Variants in AFF3 observed in about 807,000 individuals in gnomAD.
AFF3 encodes AF4/FMR2 family member 3.
Under a neutral mutation model 129.7 loss-of-function variants are expected in AFF3, and 32 were observed. The observed-to-expected ratio is 0.25, with a 90% confidence interval of 0.19 to 0.33. AFF3 has a LOEUF of 0.33. Ranked by LOEUF, AFF3 falls within the 10% of genes least tolerant of loss-of-function variation. AFF3 has a pLI of 1.00. For missense variants in AFF3, 1,373 were observed against 1,592.0 expected, an observed-to-expected ratio of 0.86 and a Z score of 2.34; for synonymous variants, 644 against 635.4, an observed-to-expected ratio of 1.01 and a Z score of -0.20.
chr2:99,844,434 C>CTTTTTTTTT (rs984233053), intron 7 of AFF3, among the ~76,000 whole-genome samples: 31 of 92,468 alleles, frequency 3.4e-4, no homozygotes, highest in East Asian at 7.0e-4. Flanking sequence ...TTTTTCTTTT[C>CTTTTTTTTT]TTTTTTTTTT....
At chr2:99,604,520 G>A (rs10170260) in intron 13 of AFF3, among the ~76,000 whole-genome samples, 4 of 151,820 alleles carry the variant, frequency 2.6e-5, no homozygotes, top group African/African-American at 9.7e-5. Flanking sequence ...ATAACTAATG[G>A]GTACAGGCTT....
intron 12 of AFF3, among the ~76,000 whole-genome samples, chr2:99,670,895 AAC>A (rs1558726910): frequency 6.6e-6 from 1 of 152,254 alleles, no homozygotes; most frequent in East Asian, 1.9e-4. Flanking sequence ...GTACATTCAT[AAC>A]ACAATATTAT....
chr2:100,027,007 A>T (rs959263775), intron 4 of AFF3, among the ~76,000 whole-genome samples: 3 of 152,066 alleles, frequency 2.0e-5, no homozygotes, highest in Admixed American at 6.6e-5. Flanking sequence ...TGAGTACACA[A>T]AATCTCACAA....
chr2:99,748,807 G>T (rs1404971232), intron 9 of AFF3, among the ~76,000 whole-genome samples: 1 of 152,164 alleles, frequency 6.6e-6, no homozygotes, highest in Non-Finnish European at 1.5e-5. Flanking sequence ...AGTCTCACAT[G>T]AGGAAGGCTA....
intron 18 of AFF3, among the ~76,000 whole-genome samples, chr2:99,572,308 CCTAG>C (rs1676571345): frequency 7.7e-6 from 1 of 130,052 alleles, no homozygotes; most frequent in African/African-American, 3.1e-5. Context: ...CCCCCCCCCA[CCTAG>C]AAACACACGG....
intron 4 of AFF3, among the ~76,000 whole-genome samples, chr2:100,036,185 C>T (rs1684894202): frequency 7.0e-6 from 1 of 142,870 alleles, no homozygotes; most frequent in South Asian, 2.3e-4. Flanking sequence ...TCTTTCCTGG[C>T]AACAGTCACC....
chr2:99,572,394 C>T (rs1229998220), intron 18 of AFF3, among the ~76,000 whole-genome samples: 1 of 144,338 alleles, frequency 6.9e-6, no homozygotes, highest in Non-Finnish European at 1.5e-5. Flanking sequence ...TTAAAGCAAC[C>T]TTGCTTTTTG....
intron 4 of AFF3, among the ~76,000 whole-genome samples, chr2:100,052,960 C>G (rs972746958): frequency 2.6e-5 from 4 of 152,156 alleles, no homozygotes; most frequent in Admixed American, 2.6e-4. Context: ...CTGACTTCCC[C>G]AAGAGCAGGG....
intron 7 of AFF3, among the ~76,000 whole-genome samples, chr2:99,931,162 G>C (rs1696647190): frequency 6.6e-6 from 1 of 152,156 alleles, no homozygotes; most frequent in Non-Finnish European, 1.5e-5. Flanking sequence ...TAAATGTAAG[G>C]ACCCCCTTCC....
intron 14 of AFF3, among the ~76,000 whole-genome samples, chr2:99,595,455 T>C (rs1472038652): frequency 6.6e-6 from 1 of 152,178 alleles, no homozygotes; most frequent in Non-Finnish European, 1.5e-5. Context: ...AAGAAGACAC[T>C]GCTTAGCTCC....
chr2:99,833,917 C>T (rs1688678461), intron 8 of AFF3, among the ~76,000 whole-genome samples: 1 of 152,084 alleles, frequency 6.6e-6, no homozygotes, highest in South Asian at 2.1e-4. Flanking sequence ...TATTAGGTCC[C>T]AGGAATAAAA....
chr2:99,963,131 GT>G (rs1044900195), intron 7 of AFF3, among the ~76,000 whole-genome samples: 9 of 151,942 alleles, frequency 5.9e-5, no homozygotes, highest in African/African-American at 2.2e-4. Context: ...CAGAAAAAAT[GT>G]CCCTGACATT....
chr2:100,052,933 A>T (rs552838684), intron 4 of AFF3, among the ~76,000 whole-genome samples: 202 of 152,328 alleles, frequency 1.3e-3, no homozygotes, highest in Middle Eastern at 3.4e-3. Flanking sequence ...ATAATTAGAA[A>T]GTGAAGCAAC....
intron 12 of AFF3, among the ~76,000 whole-genome samples, chr2:99,660,177 T>G (rs1442833518): frequency 6.6e-6 from 1 of 152,228 alleles, no homozygotes; most frequent in Non-Finnish European, 1.5e-5. Context: ...CACTTTCCAC[T>G]GGCCTTGGCA....
intron 4 of AFF3, among the ~76,000 whole-genome samples, chr2:100,019,021 T>A (rs1332103695): frequency 6.6e-6 from 1 of 152,198 alleles, no homozygotes; most frequent in African/African-American, 2.4e-5. Flanking sequence ...AACATGCTTA[T>A]GTTTTAACCA....
chr2:99,602,760 A>C (rs1476619887), intron 13 of AFF3, among the ~76,000 whole-genome samples: 1 of 152,192 alleles, frequency 6.6e-6, no homozygotes, highest in African/African-American at 2.4e-5. Flanking sequence ...TCTCAAGTGC[A>C]AAGCAGCCTG....
At chr2:99,861,387 G>A (rs761564091) in intron 7 of AFF3, among the ~76,000 whole-genome samples, 6 of 152,132 alleles carry the variant, frequency 3.9e-5, no homozygotes, top group Non-Finnish European at 8.8e-5. Context: ...CAAACTACCT[G>A]GATTTGATCC....
chr2:99,870,349 C>T (rs1044927293), intron 7 of AFF3, among the ~76,000 whole-genome samples: 5 of 152,232 alleles, frequency 3.3e-5, no homozygotes, highest in African/African-American at 1.2e-4. Flanking sequence ...CCCTCTGGAC[C>T]TAGATTTCTA....
chr2:99,928,316 G>A (rs1340633056), intron 7 of AFF3, among the ~76,000 whole-genome samples: 1 of 152,130 alleles, frequency 6.6e-6, no homozygotes, highest in Non-Finnish European at 1.5e-5. Context: ...CAGGTAAATG[G>A]CATTATGTAA....
Sources: gnomAD v4.1 joint callset for allele counts (sites outside exome capture counted in the v4.1 genomes callset) on GRCh38, gnomAD v4.1.1 for gene constraint, MANE v1.5 for transcripts, NCBI Gene and HGNC (gene_info 2026-07-23, HGNC 2026-07-21) for gene names.